RMST: variants seen among roughly 807,000 people sequenced by gnomAD.
The protein encoded by RMST is rhabdomyosarcoma 2 associated transcript.
chr12:97,467,328 AG>A (rs1160204319), intron 5 of RMST, among the ~76,000 whole-genome samples: 1 of 151,984 alleles, frequency 6.6e-6, no homozygotes, highest in Non-Finnish European at 1.5e-5. Flanking sequence ...ATCTTTTGGG[AG>A]CTAAAGTTAT....
intron 5 of RMST, among the ~76,000 whole-genome samples, chr12:97,467,459 T>A (rs997388506): frequency 3.3e-5 from 5 of 151,960 alleles, no homozygotes; most frequent in Non-Finnish European, 7.4e-5. Flanking sequence ...ATTAGACAAA[T>A]TTTTATACAA....
chr12:97,512,343 G>C (rs1241074640), intron 10 of RMST, among the ~76,000 whole-genome samples: 1 of 152,300 alleles, frequency 6.6e-6, no homozygotes, highest in East Asian at 1.9e-4. Context: ...AAGAGAGAAA[G>C]AACAAAGCTT....
At chr12:97,476,906 G>A (rs1565917581) in intron 5 of RMST, among the ~76,000 whole-genome samples, 1 of 152,140 alleles carries the variant, frequency 6.6e-6, no homozygotes, top group Non-Finnish European at 1.5e-5. Flanking sequence ...AAGGAATGGA[G>A]GAAAGAATGG....
At chr12:97,546,163 T>C (rs1358292020) in intron 11 of RMST, among the ~76,000 whole-genome samples, 1 of 152,178 alleles carries the variant, frequency 6.6e-6, no homozygotes, top group East Asian at 1.9e-4. Flanking sequence ...TCATTATCCT[T>C]GAAGGGCTTT....
At chr12:97,542,105 G>A (rs1374989371) in intron 11 of RMST, among the ~76,000 whole-genome samples, 1 of 151,884 alleles carries the variant, frequency 6.6e-6, no homozygotes, top group Admixed American at 6.6e-5. Context: ...ATATGAAAGT[G>A]GGCTTGGAAG....
At chr12:97,496,267 G>C (rs1383310434) in intron 10 of RMST, among the ~76,000 whole-genome samples, 1 of 151,964 alleles carries the variant, frequency 6.6e-6, no homozygotes, top group Non-Finnish European at 1.5e-5. Context: ...ACCCAAATGG[G>C]TGTACCCTTC....
intron 5 of RMST, among the ~76,000 whole-genome samples, chr12:97,479,133 CTTTTTTT>C (rs386377507): frequency 2.9e-5 from 2 of 69,050 alleles, no homozygotes; most frequent in African/African-American, 6.2e-5. Flanking sequence ...CTTGTCTTTG[CTTTTTTT>C]TTTTTTTTTT....
intron 10 of RMST, among the ~76,000 whole-genome samples, chr12:97,524,099 A>AAAAAAAAAAAC (rs1565931331): frequency 6.7e-6 from 1 of 148,656 alleles, no homozygotes; most frequent in Non-Finnish European, 1.5e-5. Context: ...AAAAAAAAAA[A>AAAAAAAAAAAC]AAAATCACAT....
chr12:97,546,281 G>T (rs1882924042), intron 11 of RMST, among the ~76,000 whole-genome samples: 1 of 151,990 alleles, frequency 6.6e-6, no homozygotes, highest in Non-Finnish European at 1.5e-5. Context: ...TCACATCTAT[G>T]TTTTAAATCA....
At chr12:97,523,336 C>T (rs1592734833) in intron 10 of RMST, among the ~76,000 whole-genome samples, 1 of 152,068 alleles carries the variant, frequency 6.6e-6, no homozygotes, top group Non-Finnish European at 1.5e-5. Context: ...GTTTTTATTG[C>T]TAATAATATG....
At chr12:97,563,008 G>T (rs1165902278) in intron 13 of RMST, among the ~76,000 whole-genome samples, 1 of 152,232 alleles carries the variant, frequency 6.6e-6, no homozygotes, top group Non-Finnish European at 1.5e-5. Flanking sequence ...TTAAAGTCCA[G>T]ATAAAACCAT....
At chr12:97,510,028 T>C (rs768704041) in intron 10 of RMST, among the ~76,000 whole-genome samples, 6 of 152,210 alleles carry the variant, frequency 3.9e-5, no homozygotes, top group Non-Finnish European at 8.8e-5. Flanking sequence ...GGGTGGTCAA[T>C]AAAAGACTGC....
intron 5 of RMST, among the ~76,000 whole-genome samples, chr12:97,476,310 C>T (rs1331254948): frequency 6.6e-6 from 1 of 152,308 alleles, no homozygotes; most frequent in East Asian, 1.9e-4. Flanking sequence ...GCTTCATCTG[C>T]TGCCCATTTG....
chr12:97,529,126 C>T (rs1246991796), intron 10 of RMST, among the ~76,000 whole-genome samples: 3 of 151,990 alleles, frequency 2.0e-5, no homozygotes, highest in Admixed American at 2.0e-4. Context: ...TTTTCTCCCT[C>T]CCATGCCAGT....
intron 10 of RMST, among the ~76,000 whole-genome samples, chr12:97,518,887 A>G (rs1187781624): frequency 6.6e-6 from 1 of 151,934 alleles, no homozygotes; most frequent in Non-Finnish European, 1.5e-5. Context: ...CTCCTGCCTC[A>G]GCTTCCAGAG....
chr12:97,520,433 T>G (rs1880395619), intron 10 of RMST, among the ~76,000 whole-genome samples: 1 of 152,190 alleles, frequency 6.6e-6, no homozygotes, highest in Non-Finnish European at 1.5e-5. Flanking sequence ...TGATCTTAAC[T>G]GTGTATTGCA....
chr12:97,532,075 AT>A (rs1019733714), intron 11 of RMST, among the ~76,000 whole-genome samples: 2 of 151,982 alleles, frequency 1.3e-5, no homozygotes, highest in African/African-American at 4.8e-5. Context: ...GTTTATCAAA[AT>A]TTTGGTGGAA....
At chr12:97,482,618 AATTT>A (rs950491989) in intron 5 of RMST, among the ~76,000 whole-genome samples, 3 of 146,806 alleles carry the variant, frequency 2.0e-5, no homozygotes, top group Non-Finnish European at 3.0e-5. Context: ...TTTATTATTT[AATTT>A]ATTTAATATT....
chr12:97,488,066 T>G (rs1254642316), intron 5 of RMST, among the ~76,000 whole-genome samples: 1 of 152,180 alleles, frequency 6.6e-6, no homozygotes, highest in Non-Finnish European at 1.5e-5. Context: ...ACCTGGAGAC[T>G]GATGATAGCT....
Sources: allele counts gnomAD v4.1 joint callset (sites outside exome capture counted in the v4.1 genomes callset), GRCh38; gene constraint gnomAD v4.1.1; transcripts MANE v1.5; gene names NCBI Gene and HGNC (gene_info 2026-07-23, HGNC 2026-07-21).